CNTN5: variants seen among roughly 807,000 people sequenced by gnomAD.
The protein encoded by CNTN5 is contactin-5.
Under a neutral mutation model 129.1 loss-of-function variants are expected in CNTN5, and 77 were observed. That is an observed-to-expected ratio of 0.60 (90% confidence interval 0.50 to 0.72). The LOEUF is 0.72. CNTN5 is among the 30% of genes least tolerant of loss of function. The probability of loss-of-function intolerance (pLI) is 0.00; values close to 1 mark genes in which losing one functional copy is unlikely to be tolerated. For missense variants in CNTN5, 1,478 were observed against 1,328.8 expected, an observed-to-expected ratio of 1.11 and a Z score of -1.75; for synonymous variants, 509 against 465.6, an observed-to-expected ratio of 1.09 and a Z score of -1.20.
intron 3 of CNTN5, among the ~76,000 whole-genome samples, chr11:99,737,135 A>C (rs1943736204): frequency 1.4e-5 from 2 of 146,498 alleles, no homozygotes; most frequent in African/African-American, 5.5e-5. Context: ...ACACATGCAC[A>C]CACACACAAA....
At chr11:99,749,671 T>G (rs888349860) in intron 3 of CNTN5, among the ~76,000 whole-genome samples, 4 of 152,236 alleles carry the variant, frequency 2.6e-5, no homozygotes, top group African/African-American at 7.2e-5. Flanking sequence ...ATCTGGACAT[T>G]ACTGTTTTAA....
At chr11:99,066,068 G>A (rs147379494) in intron 1 of CNTN5, among the ~76,000 whole-genome samples, 34 of 152,026 alleles carry the variant, frequency 2.2e-4, no homozygotes, top group East Asian at 1.2e-3. Flanking sequence ...ATAGATACAC[G>A]CATATGCCAT....
At chr11:99,801,583 T>G (rs1329271498) in intron 3 of CNTN5, among the ~76,000 whole-genome samples, 2 of 152,208 alleles carry the variant, frequency 1.3e-5, no homozygotes, top group African/African-American at 4.8e-5. Flanking sequence ...TTCATAAGTT[T>G]GGTTGCTTTA....
chr11:100,070,251 G>C (rs1055900196), intron 10 of CNTN5, 173 bp from the exon 11 acceptor site: 19 of 487,598 alleles, frequency 3.9e-5, no homozygotes, highest in Non-Finnish European at 6.9e-6. Flanking sequence ...CTATTTTTTG[G>C]GGGTACAGGA....
intron 3 of CNTN5, among the ~76,000 whole-genome samples, chr11:99,810,065 A>G (rs573354950): frequency 1.6e-4 from 24 of 152,280 alleles, no homozygotes; most frequent in Admixed American, 1.6e-3. Context: ...TTAAAAAGAT[A>G]GCATCATAAC....
At chr11:100,278,822 C>A (rs780953818) in intron 18 of CNTN5, among the ~76,000 whole-genome samples, 1 of 151,924 alleles carries the variant, frequency 6.6e-6, no homozygotes, top group Non-Finnish European at 1.5e-5. Context: ...ATTGCTCTAG[C>A]TAGGACTTCC....
At chr11:99,806,449 G>T (rs1271488007) in intron 3 of CNTN5, among the ~76,000 whole-genome samples, 1 of 152,014 alleles carries the variant, frequency 6.6e-6, no homozygotes, top group Admixed American at 6.6e-5. Flanking sequence ...TGTGTGTATT[G>T]TCTTTAGAGT....
intron 13 of CNTN5, among the ~76,000 whole-genome samples, chr11:100,126,940 G>C: frequency 6.6e-6 from 1 of 151,756 alleles, no homozygotes; most frequent in Non-Finnish European, 1.5e-5. Flanking sequence ...TCTCTTTTGA[G>C]ATAGGGTCCC....
chr11:99,657,110 C>A (rs1007040482), intron 3 of CNTN5, among the ~76,000 whole-genome samples: 1 of 151,376 alleles, frequency 6.6e-6, no homozygotes, highest in South Asian at 2.1e-4. Flanking sequence ...GTACAGATAG[C>A]TTAATGAAAA....
intron 4 of CNTN5, among the ~76,000 whole-genome samples, chr11:99,833,648 G>C (rs555511489): frequency 6.6e-6 from 1 of 152,098 alleles, no homozygotes; most frequent in Non-Finnish European, 1.5e-5. Flanking sequence ...GTTTGTTGAG[G>C]TGCAATCTTA....
intron 3 of CNTN5, among the ~76,000 whole-genome samples, chr11:99,763,160 A>G (rs546789576): frequency 2.0e-5 from 3 of 152,128 alleles, no homozygotes; most frequent in African/African-American, 7.2e-5. Flanking sequence ...AATTTTTCAT[A>G]TTTACTTAAA....
chr11:100,002,253 T>C, intron 9 of CNTN5, 117 bp downstream of exon 9: 5 of 610,080 alleles, frequency 8.2e-6, no homozygotes, highest in Non-Finnish European at 1.1e-5. Flanking sequence ...TGGTGGCTAT[T>C]TATTTTCTAA....
At chr11:99,177,232 C>T (rs1857820580) in intron 1 of CNTN5, among the ~76,000 whole-genome samples, 1 of 152,148 alleles carries the variant, frequency 6.6e-6, no homozygotes, top group Non-Finnish European at 1.5e-5. Context: ...TGGTCCCTTC[C>T]TTGCTTAATT....
At chr11:100,167,067 T>A (rs1488784212) in intron 13 of CNTN5, among the ~76,000 whole-genome samples, 1 of 151,920 alleles carries the variant, frequency 6.6e-6, no homozygotes, top group Middle Eastern at 3.4e-3. Context: ...TTCCTGATTG[T>A]GCTACAATAT....
intron 2 of CNTN5, among the ~76,000 whole-genome samples, chr11:99,441,780 C>T (rs1943838160): frequency 6.6e-6 from 1 of 152,194 alleles, no homozygotes; most frequent in South Asian, 2.1e-4. Context: ...GGTAATCTTA[C>T]AGCTTGGCTC....
At chr11:99,789,275 C>T (rs1218990179) in intron 3 of CNTN5, among the ~76,000 whole-genome samples, 1 of 151,844 alleles carries the variant, frequency 6.6e-6, no homozygotes, top group East Asian at 1.9e-4. Flanking sequence ...TCTCAATATT[C>T]AGAACAGCCA....
chr11:100,120,390 CT>C (rs1464570021), intron 13 of CNTN5, among the ~76,000 whole-genome samples: 1 of 151,640 alleles, frequency 6.6e-6, no homozygotes, highest in African/African-American at 2.4e-5. Flanking sequence ...CTTAGTGACT[CT>C]TTTTTTTCCT....
At chr11:99,741,995 G>C (rs1292299883) in intron 3 of CNTN5, among the ~76,000 whole-genome samples, 2 of 151,956 alleles carry the variant, frequency 1.3e-5, no homozygotes, top group Non-Finnish European at 2.9e-5. Flanking sequence ...TCACAAGTGA[G>C]GAAAATCAGA....
chr11:99,748,065 C>T (rs900137457), intron 3 of CNTN5, among the ~76,000 whole-genome samples: 5 of 152,038 alleles, frequency 3.3e-5, no homozygotes, highest in African/African-American at 1.2e-4. Flanking sequence ...AAATCCCATC[C>T]AATCATAGTG....
Sources: allele counts gnomAD v4.1 joint callset (sites outside exome capture counted in the v4.1 genomes callset), GRCh38; gene constraint gnomAD v4.1.1; transcripts MANE v1.5; gene names NCBI Gene and HGNC (gene_info 2026-07-23, HGNC 2026-07-21).